Variants in SYBU observed in about 807,000 individuals in gnomAD.
The protein encoded by SYBU is syntabulin.
In SYBU, 21 loss-of-function variants were observed where a neutral mutation model predicts 35.9. That is an observed-to-expected ratio of 0.58 (90% CI 0.41 to 0.84). The LOEUF (loss-of-function observed/expected upper bound fraction) is 0.84, where lower values mean the gene tolerates loss of function less well. SYBU is among the 40% of genes least tolerant of loss of function. The probability of loss-of-function intolerance (pLI) is 0.00; values close to 1 mark genes in which losing one functional copy is unlikely to be tolerated. For missense variants in SYBU, 768 were observed against 848.2 expected (o/e 0.91, Z 1.17); for synonymous variants, 319 against 324.3 (o/e 0.98, Z 0.18).
intron 1 of SYBU, among the ~76,000 whole-genome samples, chr8:109,675,811 C>T (rs1005860392): frequency 6.6e-6 from 1 of 152,150 alleles, no homozygotes; most frequent in South Asian, 2.1e-4. Context: ...AATCCTGATA[C>T]CAAAACCTGG....
At chr8:109,672,044 T>C (rs1419586396) in intron 1 of SYBU, among the ~76,000 whole-genome samples, 1 of 152,088 alleles carries the variant, frequency 6.6e-6, no homozygotes, top group Non-Finnish European at 1.5e-5. Flanking sequence ...TAGGATTATA[T>C]GCATGTGCCA....
At chr8:109,607,808 T>TCTCA (rs71564047) in intron 3 of SYBU, 24 of 377,120 alleles carry the variant, frequency 6.4e-5, no homozygotes, top group African/African-American at 2.7e-4. Flanking sequence ...CACAACTAAC[T>TCTCA]CACACACACA....
At chr8:109,619,190 C>A in intron 2 of SYBU, 151 bp from the exon 3 acceptor site, 1 of 614,656 alleles carries the variant, frequency 1.6e-6, no homozygotes, top group Non-Finnish European at 2.8e-6. Flanking sequence ...ACTCTCCTCT[C>A]ATGACGCTCC....
intron 2 of SYBU, among the ~76,000 whole-genome samples, chr8:109,638,654 A>C (rs1814506335): frequency 6.6e-6 from 1 of 152,228 alleles, no homozygotes; most frequent in African/African-American, 2.4e-5. Flanking sequence ...TTTATTAATA[A>C]TGTACAATGT....
chr8:109,596,625 G>A (rs1030472060), intron 3 of SYBU, among the ~76,000 whole-genome samples: 2 of 152,002 alleles, frequency 1.3e-5, no homozygotes, highest in Non-Finnish European at 2.9e-5. Context: ...AATCTTTTGG[G>A]ACAATTTTCA....
intron 2 of SYBU, among the ~76,000 whole-genome samples, chr8:109,634,114 C>T (rs982266331): frequency 2.0e-5 from 3 of 152,156 alleles, no homozygotes; most frequent in African/African-American, 7.2e-5. Context: ...TTAGAGAAGA[C>T]AGCACTCCTC....
intron 2 of SYBU, among the ~76,000 whole-genome samples, chr8:109,638,997 G>C (rs951965797): frequency 1.3e-5 from 2 of 152,184 alleles, no homozygotes; most frequent in Non-Finnish European, 2.9e-5. Flanking sequence ...AGAATATCAA[G>C]TCATTAAATG....
chr8:109,665,620 A>C (rs781250007), intron 1 of SYBU, among the ~76,000 whole-genome samples: 1 of 152,240 alleles, frequency 6.6e-6, no homozygotes, highest in Non-Finnish European at 1.5e-5. Context: ...ATGAATGACC[A>C]TGAAGCTCTC....
rs752583565 is a variant in SYBU, at chr8:109,586,171, C to G, written c.428-9G>C. The G allele has an allele frequency of 1.9e-6, 3 of 1,593,344 alleles. No homozygotes were observed. The highest frequency in any genetic ancestry group is 3.5e-5 in the Admixed American group (2 of 57,566). On this transcript the variant is annotated splice_polypyrimidine_tract_variant and intron_variant, in intron 3 of 6. Transcript: ENST00000276646. The stretch of plus-strand genomic sequence containing the variant: ...AAAATCAGCTTCACTACCTGAAAAA[C>G]AACAGGGGAGAGAGAAGCGTGAGGG...
intron 1 of SYBU, among the ~76,000 whole-genome samples, chr8:109,677,525 G>A (rs1479792397): frequency 4.6e-5 from 7 of 152,038 alleles, no homozygotes; most frequent in Non-Finnish European, 7.4e-5. Flanking sequence ...ATAATATATG[G>A]GAAATAATAG....
chr8:109,607,080 T>C (rs947119500), intron 3 of SYBU, among the ~76,000 whole-genome samples: 8 of 152,160 alleles, frequency 5.3e-5, no homozygotes, highest in African/African-American at 1.7e-4. Context: ...ATAAACATAG[T>C]ATTTCTTTTG....
At chr8:109,602,931 T>G (rs1017263793) in intron 3 of SYBU, among the ~76,000 whole-genome samples, 1 of 151,996 alleles carries the variant, frequency 6.6e-6, no homozygotes, top group African/African-American at 2.4e-5. Context: ...AATAATGAAG[T>G]CACAAGAAAA....
intron 3 of SYBU, among the ~76,000 whole-genome samples, chr8:109,613,330 A>G (rs1811397206): frequency 6.6e-6 from 1 of 152,210 alleles, no homozygotes; most frequent in African/African-American, 2.4e-5. Flanking sequence ...GTGAGGAATT[A>G]CTTTCTGCCA....
rs201185013 is a variant in SYBU at position 109,577,992 on chromosome 8, C to T, written c.760G>A (p.Gly254Ser). ...GGGGGTCTGACACCATGATTTTCAC[C>T]GCAAGACATGTACCTTCCAGAACGC... ...MRRSGRYMSC[G>S]ENHGVRPPNP... The change falls in exon 6 of 7, where the codon GGT becomes AGT. Residue 254 changes from glycine (G) to serine (S), a missense_variant. Physicochemically the swap from Gly to Ser is moderately conservative, Grantham distance 56. Transcript: ENST00000276646. 4.9e-5 allele frequency: 79 copies of T among 1,613,124 alleles called. No homozygotes were observed. The highest frequency in any genetic ancestry group is 4.6e-4 in the South Asian group (42 of 90,842).
At chr8:109,668,898 T>C (rs1816864381) in intron 1 of SYBU, among the ~76,000 whole-genome samples, 1 of 152,188 alleles carries the variant, frequency 6.6e-6, no homozygotes, top group African/African-American at 2.4e-5. Flanking sequence ...AGTATTTAAT[T>C]CAATCATGTT....
At chr8:109,686,833 A>C (rs1316017807) in intron 1 of SYBU, among the ~76,000 whole-genome samples, 3 of 152,232 alleles carry the variant, frequency 2.0e-5, no homozygotes, top group Non-Finnish European at 4.4e-5. Flanking sequence ...CCTTATTTTC[A>C]GAGAAATAGA....
At chr8:109,576,214 C>A (rs1822297755) in intron 6 of SYBU, among the ~76,000 whole-genome samples, 1 of 152,164 alleles carries the variant, frequency 6.6e-6, no homozygotes, top group African/African-American at 2.4e-5. Context: ...AACACTCCAG[C>A]CTAAACTGAA....
chr8:109,626,782 T>A (rs114003892), intron 2 of SYBU, among the ~76,000 whole-genome samples: 2,181 of 152,268 alleles, frequency 0.014, 53 homozygotes, highest in African/African-American at 0.05. Flanking sequence ...TGATAGTGCA[T>A]ACCTGTAGTC....
chr8:109,611,171 C>CTA (rs368915628), intron 3 of SYBU, among the ~76,000 whole-genome samples: 73 of 152,222 alleles, frequency 4.8e-4, no homozygotes, highest in African/African-American at 1.6e-3. Context: ...TTTGAGAGAC[C>CTA]TATAACGCTT....
Sources: gnomAD v4.1 joint callset for allele counts (sites outside exome capture counted in the v4.1 genomes callset) on GRCh38, gnomAD v4.1.1 for gene constraint, MANE v1.5 for transcripts, NCBI Gene and HGNC (gene_info 2026-07-23, HGNC 2026-07-21) for gene names.